Variants in UBR3 observed in about 807,000 individuals in gnomAD.
UBR3 encodes the protein E3 ubiquitin-protein ligase UBR3.
In UBR3, 85 loss-of-function variants were observed where a neutral mutation model predicts 243.2. The observed-to-expected ratio is 0.35, with a 90% CI of 0.29 to 0.42. The LOEUF (loss-of-function observed/expected upper bound fraction) is 0.42, where lower values mean the gene tolerates loss of function less well. Ranked by LOEUF, UBR3 falls within the 10% of genes least tolerant of loss-of-function variation. The pLI, the probability that UBR3 is intolerant of heterozygous loss-of-function variation, is 1.00. For synonymous variants in UBR3, 748 were observed against 799.8 expected, an observed-to-expected ratio of 0.94 and a Z score of 1.09; for missense variants, 1,686 against 2,300.8, an observed-to-expected ratio of 0.73 and a Z score of 5.47.
chr2:169,827,518 C>A lies in UBR3; in HGVS notation c.11C>A (p.Ala4Glu). The A allele has an allele frequency of 8.2e-7, 1 of 1,225,056 alleles. No homozygotes were observed. The highest frequency in any genetic ancestry group is 1.0e-6 in the Non-Finnish European group (1 of 983,156). 75.9% of individuals were successfully genotyped at this position (1,225,056 alleles called of 1,614,324 possible). MAA[A>E]AAAAVGGQQP... ...TTCTGAGCTCTCATCATGGCGGCGG[C>A]GGCCGCGGCGGCCGTCGGGGGCCAG... The change falls in exon 1 of 39, where the codon GCG becomes GAG. Residue 4 changes from alanine to glutamate, a missense_variant. By Grantham distance (107) the Ala-to-Glu change is moderately radical. This residue lies in a region of UBR3 where 79 missense variants were observed against 73.2 expected (regional missense o/e 1.08). Coordinates refer to ENST00000272793, the MANE Select transcript of UBR3 (RefSeq NM_172070.4).
chr2:169,964,337 A>G (rs375730547), intron 24 of UBR3: 6 of 449,616 alleles, frequency 1.3e-5, no homozygotes, highest in African/African-American at 1.2e-4. Context: ...AACTAAGAGA[A>G]AAGCTTAATT....
At chr2:169,866,209 G>A (rs1429502088) in intron 1 of UBR3, among the ~76,000 whole-genome samples, 1 of 124,182 alleles carries the variant, frequency 8.1e-6, no homozygotes, top group Non-Finnish European at 1.6e-5. Context: ...CTTTTAAAAC[G>A]TGTACTTGAT....
At chr2:169,999,017 T>C (rs2089597905) in intron 26 of UBR3, among the ~76,000 whole-genome samples, 2 of 152,244 alleles carry the variant, frequency 1.3e-5, no homozygotes, top group Admixed American at 1.3e-4. Context: ...CTCCCTAAAA[T>C]ACTAGTCTCA....
intron 22 of UBR3, among the ~76,000 whole-genome samples, chr2:169,948,835 A>T (rs1340790899): frequency 6.6e-6 from 1 of 151,952 alleles, no homozygotes; most frequent in Non-Finnish European, 1.5e-5. Context: ...ATGTTTTCTG[A>T]GAGCCCTGGT....
intron 32 of UBR3, among the ~76,000 whole-genome samples, chr2:170,041,647 G>A (rs369560220): frequency 1.3e-5 from 2 of 152,124 alleles, no homozygotes; most frequent in African/African-American, 4.8e-5. Context: ...TATTCAATCA[G>A]ATAATTAACA....
chr2:169,875,520 C>T (rs147753054), intron 2 of UBR3, among the ~76,000 whole-genome samples: 232 of 152,210 alleles, frequency 1.5e-3, no homozygotes, highest in African/African-American at 5.4e-3. Flanking sequence ...ATGCTTCTTA[C>T]ACAAATTAAG....
intron 1 of UBR3, among the ~76,000 whole-genome samples, chr2:169,838,057 C>G (rs558105950): frequency 7.6e-4 from 115 of 152,168 alleles, no homozygotes; most frequent in African/African-American, 2.6e-3. Context: ...TTTGGCTGTT[C>G]TTGGTTCCTG....
intron 1 of UBR3, among the ~76,000 whole-genome samples, chr2:169,838,767 A>G (rs1574012949): frequency 6.6e-6 from 1 of 152,210 alleles, no homozygotes; most frequent in Admixed American, 6.5e-5. Flanking sequence ...TCAAAAGTCT[A>G]AAGTTGAGTC....
At position 169,913,294 on chromosome 2, in the gene UBR3, C is replaced by T. The variant is rs529523185; in HGVS notation, c.1780-766C>T. 3.4e-5 allele frequency among the ~76,000 whole-genome samples: 5 copies of T among 148,922 alleles called. No individual in the cohort carries two copies. The East Asian group carries it at 5.8e-4, about 17-fold the overall frequency. ...TTTGTATGTGCTTATTAGTCATTTG[C>T]GTATTTTCTTGGAAGAAATGTCTTT... On this transcript the variant is annotated intron_variant, in intron 10 of 38. Transcript: ENST00000272793.
Position 169,950,012 on chromosome 2 carries a change from A to G in UBR3, c.3492A>G (p.Val1164=), listed in dbSNP as rs1280688218. Residue 1164 remains valine, a synonymous_variant, in exon 23 of 39, where the codon GTA becomes GTG. Coordinates refer to ENST00000272793, the MANE Select transcript of UBR3 (RefSeq NM_172070.4). ...TATGTAGAAAAGTGACCCCTCCTGT[A>G]CCACCTAAAAAAGTCACTGCAGCAG... ...EEICRKVTPP[V]PPKKVTAAEK... The G allele has an allele frequency of 5.0e-6, 8 of 1,596,238 alleles. No homozygotes were observed. Among genetic ancestry groups the G allele is most frequent in the Non-Finnish European group, 6.8e-6 (8 of 1,174,188 alleles).
chr2:169,963,153 C>G (rs935574845), intron 24 of UBR3, among the ~76,000 whole-genome samples: 1 of 152,080 alleles, frequency 6.6e-6, no homozygotes, highest in Non-Finnish European at 1.5e-5. Flanking sequence ...TGCCAAGCCC[C>G]CTGGATGCTC....
At chr2:169,937,639 A>G (rs1310684142) in intron 19 of UBR3, among the ~76,000 whole-genome samples, 1 of 152,174 alleles carries the variant, frequency 6.6e-6, no homozygotes, top group Non-Finnish European at 1.5e-5. Context: ...TTATGGTTTT[A>G]GGTCTGACAT....
intron 24 of UBR3, among the ~76,000 whole-genome samples, chr2:169,974,293 C>T (rs147510595): frequency 6.6e-6 from 1 of 152,142 alleles, no homozygotes; most frequent in East Asian, 1.9e-4. Context: ...GTCATGTGGT[C>T]CTGGGCTTTT....
At chr2:169,897,216 TTGC>T (rs1206737152) in intron 8 of UBR3, among the ~76,000 whole-genome samples, 3 of 152,162 alleles carry the variant, frequency 2.0e-5, no homozygotes, top group Admixed American at 1.3e-4. Context: ...TATCATAAAT[TTGC>T]TGCTATCAGT....
chr2:170,008,692 G>T, intron 28 of UBR3, 112 bp from the exon 29 acceptor site: 2 of 579,230 alleles, frequency 3.5e-6, no homozygotes, highest in Non-Finnish European at 5.7e-6. Context: ...GTTCTGTTTT[G>T]ACTTTTTAAT....
At chr2:169,946,494 C>G (rs369326389) in intron 21 of UBR3, 102 bp downstream of exon 21, 73 of 476,670 alleles carry the variant, frequency 1.5e-4, no homozygotes, top group African/African-American at 1.4e-3. Context: ...CTAGTTATGA[C>G]ATACCTTAGG....
intron 1 of UBR3, among the ~76,000 whole-genome samples, chr2:169,857,823 G>A (rs1244509870): frequency 5.9e-5 from 9 of 152,030 alleles, no homozygotes; most frequent in Admixed American, 5.9e-4. Context: ...TCAATGCAGC[G>A]TTGACCCTCC....
intron 1 of UBR3, among the ~76,000 whole-genome samples, chr2:169,866,468 T>C (rs2083268960): frequency 6.6e-6 from 1 of 151,462 alleles, no homozygotes; most frequent in Admixed American, 6.6e-5. Flanking sequence ...ATTCAAGCCA[T>C]TCTCCTACCT....
chr2:169,932,453 G>C (rs2086171412), intron 18 of UBR3, among the ~76,000 whole-genome samples: 1 of 152,032 alleles, frequency 6.6e-6, no homozygotes, highest in Non-Finnish European at 1.5e-5. Context: ...TTTGGGAAAT[G>C]AGGTCTGTCT....
Sources: allele counts gnomAD v4.1 joint callset (sites outside exome capture counted in the v4.1 genomes callset), GRCh38; gene constraint gnomAD v4.1.1; regional missense constraint gnomAD v4.1.1; transcripts MANE v1.5; gene names NCBI Gene and HGNC (gene_info 2026-07-23, HGNC 2026-07-21).